Variants in PTGFRN observed in about 807,000 individuals in gnomAD.
PTGFRN encodes prostaglandin F2 receptor inhibitor, also known as prostaglandin F2 receptor negative regulator.
A neutral mutation model predicts 83.2 loss-of-function variants in PTGFRN; 35 were observed. That is an observed-to-expected ratio of 0.42 (90% CI 0.32 to 0.56). The LOEUF is 0.56. PTGFRN is among the 20% of genes least tolerant of loss of function. PTGFRN has a pLI of 0.11. For missense variants in PTGFRN, 1,051 were observed against 1,179.5 expected, an observed-to-expected ratio of 0.89 and a Z score of 1.60; for synonymous variants, 519 against 498.6, an observed-to-expected ratio of 1.04 and a Z score of -0.55.
At chr1:116,983,158 G>T (rs567102165) in intron 7 of PTGFRN, among the ~76,000 whole-genome samples, 29 of 152,308 alleles carry the variant, frequency 1.9e-4, no homozygotes, top group African/African-American at 6.5e-4. Context: ...TGCAGATGAG[G>T]AAACTAAGTC....
chr1:116,969,631 T>G (rs1650936449), intron 6 of PTGFRN, among the ~76,000 whole-genome samples: 1 of 152,134 alleles, frequency 6.6e-6, no homozygotes, highest in African/African-American at 2.4e-5. Flanking sequence ...ATTTCTACAG[T>G]CCAGGCATCT....
rs1179673352 is a variant in PTGFRN at position 116,923,164 on chromosome 1, T to C, written c.49+12912T>C. ...AAGCAGGATCATGTCTGTTTTTGCT[T>C]ACCCCAGCATGTAGGAACTTGAATC... On this transcript the variant is annotated intron_variant, in intron 1 of 8. Transcript: ENST00000393203. The surrounding 1 kb of genome is among the most constrained non-coding windows in gnomAD (Gnocchi z 4.0). Among the ~76,000 whole-genome samples, 1 of 152,214 alleles carries C rather than the reference T, an allele frequency of 6.6e-6. No individual in the cohort carries two copies.
chr1:116,974,279 A>G lies in PTGFRN; in HGVS notation c.2123A>G (p.Lys708Arg), dbSNP rs1375517419. 4.3e-6 allele frequency: 7 copies of G among 1,613,382 alleles called. No individual in the cohort carries two copies. Among genetic ancestry groups the G allele is most frequent in the Non-Finnish European group, 5.9e-6 (7 of 1,179,438 alleles). ...TPSVIRGDLI[K>R]LFCIITVEGA... ...TCAGTAATTCGGGGAGATCTGATCA[A>G]ATTGTTCTGTATCATCACTGTCGAG... The change falls in exon 7 of 9, where the codon AAA becomes AGA. Residue 708 changes from lysine (K) to arginine (R), a missense_variant. Coordinates refer to ENST00000393203, the MANE Select transcript of PTGFRN (RefSeq NM_020440.4).
At chr1:116,966,767 CT>C (rs1650847341) in intron 5 of PTGFRN, 143 bp from the exon 6 acceptor site, 1 of 851,938 alleles carries the variant, frequency 1.2e-6, no homozygotes, top group African/African-American at 1.7e-5. Flanking sequence ...ACATGATTTT[CT>C]TTCTGAGTTT....
At position 116,973,604 on chromosome 1, in the gene PTGFRN, C is replaced by CA. The variant is rs547665093; in HGVS notation, c.2060-593dup. Among the ~76,000 whole-genome samples the CA allele has an allele frequency of 4.8e-3, 518 of 106,992 alleles. 2 individuals are homozygous for CA. The highest frequency in any genetic ancestry group is 0.011 in the Middle Eastern group (2 of 178). 70.2% of individuals were successfully genotyped at this position (106,992 alleles called of 152,430 possible). On this transcript the variant is annotated intron_variant, in intron 6 of 8. Transcript: ENST00000393203. ...TGCGTGACAGAGCAAGACTCAATCT[C>CA]AAAAAAAAAAAAAAAAAAAGGAAAA... is the stretch of plus-strand genomic sequence containing the variant.
At position 116,923,920 on chromosome 1, in the gene PTGFRN, A is replaced by G. The variant is rs1325803012; in HGVS notation, c.49+13668A>G. ...ACACAGTCCTTTGACTCCTCCAGCA[A>G]CCAGTCTAAATGTGGAGGATGACAC... On this transcript the variant is annotated intron_variant, in intron 1 of 8. Transcript: ENST00000393203. The surrounding 1 kb of genome is among the most constrained non-coding windows in gnomAD (Gnocchi z 4.0). Among the ~76,000 whole-genome samples the G allele has an allele frequency of 3.3e-5, 5 of 152,120 alleles. No homozygotes were observed. The highest frequency in any genetic ancestry group is 7.4e-5 in the Non-Finnish European group (5 of 68,018).
At chr1:116,963,221 G>C (rs189669846) in intron 5 of PTGFRN, among the ~76,000 whole-genome samples, 1 of 152,190 alleles carries the variant, frequency 6.6e-6, no homozygotes, top group Non-Finnish European at 1.5e-5. Flanking sequence ...TTGGCACTGC[G>C]TGGGAATTAT....
chr1:116,937,426 G>T (rs1649947997), intron 1 of PTGFRN, among the ~76,000 whole-genome samples: 1 of 152,258 alleles, frequency 6.6e-6, no homozygotes, highest in Non-Finnish European at 1.5e-5. Context: ...GGACACTGCA[G>T]TAATGCAGAT....
At chr1:116,969,088 A>G (rs1650919690) in intron 6 of PTGFRN, among the ~76,000 whole-genome samples, 1 of 147,614 alleles carries the variant, frequency 6.8e-6, no homozygotes, top group African/African-American at 2.5e-5. Context: ...GAAACATCAA[A>G]TTTTTAAATT....
At chr1:116,948,100 C>T (rs1245716645) in intron 3 of PTGFRN, among the ~76,000 whole-genome samples, 5 of 152,184 alleles carry the variant, frequency 3.3e-5, no homozygotes, top group East Asian at 3.8e-4. Flanking sequence ...AGCGCCATGC[C>T]GTTGATGCCA....
intron 1 of PTGFRN, among the ~76,000 whole-genome samples, chr1:116,915,786 T>C (rs1298290696): frequency 6.6e-6 from 1 of 152,264 alleles, no homozygotes; most frequent in Non-Finnish European, 1.5e-5. Flanking sequence ...GGAAGGATGC[T>C]GTCCAGGCAG....
chr1:116,923,539 C>G lies in PTGFRN; in HGVS notation c.49+13287C>G, dbSNP rs1181454799. On this transcript the variant is annotated intron_variant, in intron 1 of 8. Coordinates refer to ENST00000393203, the MANE Select transcript of PTGFRN (RefSeq NM_020440.4). The surrounding 1 kb of genome is among the most constrained non-coding windows in gnomAD (Gnocchi z 4.0). ...CTCATGAGTTCTCATTATTGTTTCT[C>G]CACTGCCTCCACCCCTTCCCTTTGC... 6.6e-6 allele frequency among the ~76,000 whole-genome samples: 1 copy of G among 152,164 alleles called. No individual in the cohort carries two copies. The highest frequency in any genetic ancestry group is 1.9e-4 in the East Asian group (1 of 5,194).
intron 1 of PTGFRN, among the ~76,000 whole-genome samples, chr1:116,929,388 A>C (rs1649737236): frequency 6.6e-6 from 1 of 152,226 alleles, no homozygotes; most frequent in Admixed American, 6.5e-5. Flanking sequence ...TTCCCACAGC[A>C]GTCAGACTGA....
intron 7 of PTGFRN, among the ~76,000 whole-genome samples, chr1:116,977,709 C>T (rs1437621728): frequency 1.3e-5 from 2 of 152,164 alleles, no homozygotes; most frequent in Admixed American, 6.5e-5. Context: ...ATCTCTGGGA[C>T]ACATTCAAAG....
At chr1:116,927,898 A>C (rs1368095431) in intron 1 of PTGFRN, among the ~76,000 whole-genome samples, 1 of 152,164 alleles carries the variant, frequency 6.6e-6, no homozygotes, top group Non-Finnish European at 1.5e-5. Flanking sequence ...GTACTGATGA[A>C]ATGCAAAGTC....
In PTGFRN at chr1:116,988,464, T is replaced by G. The variant is rs1443351066; in HGVS notation, c.*1497T>G. The G allele has an allele frequency of 6.5e-6, 1 of 152,750 alleles. No homozygotes were observed. Among genetic ancestry groups the G allele is most frequent in the African/African-American group, 2.4e-5 (1 of 41,454 alleles). The allele number at this position is 152,750 out of a possible 1,614,324, so 9.5% of individuals were successfully genotyped here. A position where few individuals can be genotyped will look rare whatever the true frequency, so the allele number is the denominator to read the frequency against. On this transcript the variant is annotated 3_prime_UTR_variant, in exon 9 of 9. Coordinates refer to ENST00000393203, the MANE Select transcript of PTGFRN (RefSeq NM_020440.4). ...CTTTCGGAAGCATCCCAGTAGGGTT[T>G]TCTGAGGCTCGCTGGTGACTCATGC...
intron 7 of PTGFRN, among the ~76,000 whole-genome samples, chr1:116,974,746 G>T (rs567990687): frequency 6.6e-6 from 1 of 152,218 alleles, no homozygotes; most frequent in Non-Finnish European, 1.5e-5. Context: ...TCAGGGGGCA[G>T]TTCCAAGATG....
At chr1:116,959,884 G>C (rs1178512147) in intron 4 of PTGFRN, among the ~76,000 whole-genome samples, 3 of 151,990 alleles carry the variant, frequency 2.0e-5, no homozygotes, top group African/African-American at 7.3e-5. Flanking sequence ...GCTGAAGCAT[G>C]AGAAACGCTG....
intron 1 of PTGFRN, among the ~76,000 whole-genome samples, chr1:116,937,502 A>G (rs918602684): frequency 2.0e-5 from 3 of 152,172 alleles, no homozygotes; most frequent in Admixed American, 6.5e-5. Context: ...ATTTTGTCCT[A>G]TAGGTGATAA....
Sources: allele counts gnomAD v4.1 joint callset (sites outside exome capture counted in the v4.1 genomes callset), GRCh38; gene constraint gnomAD v4.1.1; non-coding constraint Gnocchi (gnomAD v3.1); transcripts MANE v1.5; gene names NCBI Gene and HGNC (gene_info 2026-07-23, HGNC 2026-07-21).